Variants in SPPL2B observed in about 807,000 individuals in gnomAD.
SPPL2B encodes the protein signal peptide peptidase like 2B, also known as signal peptide peptidase-like 2B.
SPPL2B carries 39 observed loss-of-function variants against 59.7 expected under a neutral mutation model. The ratio of observed to expected loss-of-function variants is 0.65; its 90% CI spans 0.51 to 0.85. The LOEUF is 0.85. Ranked by LOEUF, SPPL2B falls within the 40% of genes least tolerant of loss-of-function variation. The probability of loss-of-function intolerance (pLI) is 0.00; values close to 1 mark genes in which losing one functional copy is unlikely to be tolerated. For synonymous variants in SPPL2B, 419 were observed against 370.8 expected, an observed-to-expected ratio of 1.13 and a Z score of -1.49; for missense variants, 865 against 849.0, an observed-to-expected ratio of 1.02 and a Z score of -0.23.
At chr19:2,340,702 C>T (rs889291364) in intron 7 of SPPL2B, among the ~76,000 whole-genome samples, 196 bp from the exon 8 acceptor site, 27 of 152,088 alleles carry the variant, frequency 1.8e-4, no homozygotes, top group East Asian at 3.9e-4. Flanking sequence ...TGGCCCCCAG[C>T]GCCTGCCCGG....
chr19:2,345,692 T>C (rs1331177028), intron 13 of SPPL2B, among the ~76,000 whole-genome samples: 2 of 150,896 alleles, frequency 1.3e-5, no homozygotes, highest in South Asian at 2.1e-4. Flanking sequence ...ACCCCCTCTT[T>C]CTCATTCTTC....
chr19:2,351,864 C>T (rs976462966), intron 14 of SPPL2B, among the ~76,000 whole-genome samples: 22 of 148,426 alleles, frequency 1.5e-4, no homozygotes, highest in Non-Finnish European at 2.7e-4. Context: ...CCAGGGGTGC[C>T]GGGTGGGACG....
At chr19:2,338,479 C>T (rs1372673303) in intron 3 of SPPL2B, 3 of 399,008 alleles carry the variant, frequency 7.5e-6, no homozygotes, top group South Asian at 3.3e-5. Flanking sequence ...ATGTGCGGTT[C>T]GGGAGTCCCA....
intron 2 of SPPL2B, among the ~76,000 whole-genome samples, chr19:2,336,246 T>A (rs1460405703): frequency 6.6e-6 from 1 of 151,472 alleles, no homozygotes; most frequent in African/African-American, 2.4e-5. Flanking sequence ...TGAGTGTGCA[T>A]GCAATAGTTT....
intron 2 of SPPL2B, among the ~76,000 whole-genome samples, chr19:2,335,871 C>T (rs1968569983): frequency 6.6e-6 from 1 of 152,234 alleles, no homozygotes; most frequent in African/African-American, 2.4e-5. Context: ...TGCGTGTGAG[C>T]ACGTGTGTAA....
In SPPL2B at chr19:2,338,854, C is replaced by T. The variant is rs976987300; in HGVS notation, c.459+13C>T. 8.7e-6 allele frequency: 14 copies of T among 1,611,154 alleles called. No homozygotes were observed. Among genetic ancestry groups the T allele is most frequent in the Middle Eastern group, 1.6e-4 (1 of 6,074 alleles). On this transcript the variant is annotated intron_variant, in intron 4 of 14. Coordinates refer to ENST00000613503, the MANE Select transcript of SPPL2B (RefSeq NM_152988.3). The stretch of plus-strand genomic sequence containing the variant: ...GGACATCTTCACGGTAGGTCTGCGC[C>T]GGCTCAGACCCACGCTCCCGAGGAG...
rs1354772797 is a variant in SPPL2B, at chr19:2,332,176, A to G, written c.67-2426A>G. Among the ~76,000 whole-genome samples, 1 of 152,184 alleles carries G rather than the reference A, an allele frequency of 6.6e-6. No individual in the cohort carries two copies. Among genetic ancestry groups the G allele is most frequent in the Non-Finnish European group, 1.5e-5 (1 of 68,016 alleles). On this transcript the variant is annotated intron_variant, in intron 1 of 14. Coordinates refer to ENST00000613503, the MANE Select transcript of SPPL2B (RefSeq NM_152988.3). The surrounding 1 kb of genome is among the most constrained non-coding windows in gnomAD (Gnocchi z 4.6). Reference sequence around the variant, plus strand: ...CTGTGGGAAGGAAGCAGCATTAGCCAAGAGCTATGAGACCCCCAGTCGATT... The same window carrying G: ...CTGTGGGAAGGAAGCAGCATTAGCCGAGAGCTATGAGACCCCCAGTCGATT...
intron 3 of SPPL2B, 27 bp from the exon 4 acceptor site, chr19:2,338,725 C>T (rs1968805834): frequency 6.4e-7 from 1 of 1,554,612 alleles, no homozygotes; most frequent in Non-Finnish European, 8.9e-7. Flanking sequence ...CGGGTGATGC[C>T]TGCCGCTCCC....
intron 13 of SPPL2B, among the ~76,000 whole-genome samples, chr19:2,347,286 G>C (rs1263378887): frequency 1.8e-5 from 2 of 113,546 alleles, no homozygotes; most frequent in African/African-American, 7.0e-5. Flanking sequence ...ACTCTCATTC[G>C]CCTGATTCCG....
At chr19:2,338,557 G>T in intron 3 of SPPL2B, 195 bp from the exon 4 acceptor site, 24 of 526,952 alleles carry the variant, frequency 4.6e-5, no homozygotes, top group Middle Eastern at 5.1e-4. Context: ...AAGGCTTGAT[G>T]CCCTTCGGCC....
chr19:2,337,810 G>A (rs1968745098), intron 3 of SPPL2B, 185 bp downstream of exon 3: 1 of 607,264 alleles, frequency 1.6e-6, no homozygotes, highest in East Asian at 3.1e-5. Context: ...CGTGGGGAGG[G>A]CGGAGATGAG....
In SPPL2B at chr19:2,334,566, C is replaced by T. The variant is rs537476824; in HGVS notation, c.67-36C>T. 50 of 1,591,474 alleles carry T rather than the reference C, an allele frequency of 3.1e-5. No homozygotes were observed. The East Asian group carries it at 6.9e-4, about 22-fold the overall frequency. On this transcript the variant is annotated intron_variant, in intron 1 of 14. Transcript: ENST00000613503. ...TGGGGCGGTGCAGCCCCGCACGTCC[C>T]GTGCTGTGGCTCTGACTGCTGGCCT...
rs758515137 is a variant in SPPL2B, at chr19:2,340,933, G to T, written c.875G>T (p.Arg292Leu). 1.2e-6 allele frequency: 2 copies of T among 1,600,870 alleles called. No individual in the cohort carries two copies. The highest frequency in any genetic ancestry group is 8.5e-7 in the Non-Finnish European group (1 of 1,178,712). ...AACAGCCTGCCCTACTTCCACAAGC[G>T]CCCGCAGGCCCGTATGCTGCTCCTG... ...PNNSLPYFHK[R>L]PQARMLLLAL... The change falls in exon 8 of 15, where the codon CGC becomes CTC. Residue 292 changes from arginine to leucine, a missense_variant. Transcript: ENST00000613503.
chr19:2,350,993 A>G (rs1266411727), intron 13 of SPPL2B, among the ~76,000 whole-genome samples: 1 of 152,242 alleles, frequency 6.6e-6, no homozygotes, highest in Non-Finnish European at 1.5e-5. Flanking sequence ...TCCTGAGAAC[A>G]TAGTTTATAT....
intron 13 of SPPL2B, among the ~76,000 whole-genome samples, chr19:2,350,060 A>G (rs1391438516): frequency 3.7e-5 from 5 of 134,976 alleles, no homozygotes; most frequent in African/African-American, 1.2e-4. Context: ...CTCTCTCTCC[A>G]CACACTCACG....
intron 3 of SPPL2B, chr19:2,338,395 C>T (rs1968784894): frequency 5.6e-6 from 1 of 177,848 alleles, no homozygotes; most frequent in South Asian, 1.5e-4. Context: ...TTGAGAGAGG[C>T]CCTCAGTGGG....
Position 2,353,373 on chromosome 19 carries a change from C to A in SPPL2B, c.*164C>A. The A allele has an allele frequency of 2.3e-6, 2 of 867,762 alleles. No homozygotes were observed. The highest frequency in any genetic ancestry group is 1.7e-6 in the Non-Finnish European group (1 of 587,384). 53.8% of individuals were successfully genotyped at this position (867,762 alleles called of 1,614,324 possible). A position where few individuals can be genotyped will look rare whatever the true frequency, so the allele number is the denominator to read the frequency against. On this transcript the variant is annotated 3_prime_UTR_variant, in exon 15 of 15. Coordinates refer to ENST00000613503, the MANE Select transcript of SPPL2B (RefSeq NM_152988.3). ...TCATCCTTGCCGAGACCCCTGCGGT[C>A]TGTGCCCGCGCCCAGCCCAGCTGCC...
At position 2,344,349 on chromosome 19, in the gene SPPL2B, C is replaced by A; in HGVS notation, c.1114-13C>A. 6.5e-7 allele frequency: 1 copy of A among 1,539,086 alleles called. No homozygotes were observed. The highest frequency in any genetic ancestry group is 1.2e-5 in the South Asian group (1 of 83,346). On this transcript the variant is annotated splice_polypyrimidine_tract_variant and intron_variant, in intron 10 of 14. Transcript: ENST00000613503. Reference sequence around the variant, plus strand: ...CATCACCACGCTCCCTCACTCAACCCCATTCTGTGCAGAGTGGGAGCAGCA... The same window carrying A: ...CATCACCACGCTCCCTCACTCAACCACATTCTGTGCAGAGTGGGAGCAGCA...
At chr19:2,345,364 C>T in intron 13 of SPPL2B, 34 bp downstream of exon 13, 8 of 1,585,380 alleles carry the variant, frequency 5.0e-6, no homozygotes, top group Non-Finnish European at 6.9e-6. Flanking sequence ...GCTGGCCTCT[C>T]TGGCTCCAGC....
Sources: gnomAD v4.1 joint callset for allele counts (sites outside exome capture counted in the v4.1 genomes callset) on GRCh38, gnomAD v4.1.1 for gene constraint, Gnocchi (gnomAD v3.1) non-coding constraint, MANE v1.5 for transcripts, NCBI Gene and HGNC (gene_info 2026-07-23, HGNC 2026-07-21) for gene names.